The following ARHGAP15 variants were observed in gnomAD, a reference collection of about 807,000 sequenced individuals.
ARHGAP15 encodes rho GTPase-activating protein 15.
In ARHGAP15, 51 loss-of-function variants were observed where a neutral mutation model predicts 63.7. That is an observed-to-expected ratio of 0.80 (90% confidence interval 0.64 to 1.01). The LOEUF is 1.01. Among genes scored for constraint, ARHGAP15 ranks in the 50% least tolerant of loss-of-function variants. ARHGAP15 has a pLI of 0.00. For synonymous variants in ARHGAP15, 191 were observed against 193.8 expected (o/e 0.99, Z 0.12); for missense variants, 560 against 564.6 (o/e 0.99, Z 0.08).
chr2:143,761,570 GTCT>G lies in ARHGAP15; in HGVS notation c.1245-6414_1245-6412del, dbSNP rs1188546486. ...AGCTGAACTATTATTAAAGGCTTTG[GTCT>G]TCTTAATTCAGCATTAATTTTTGGT... On this transcript the variant is annotated intron_variant, in intron 13 of 13. Transcript: ENST00000295095. Among the ~76,000 whole-genome samples, 8 of 152,090 alleles carry G rather than the reference GTCT, an allele frequency of 5.3e-5. No individual in the cohort carries two copies. In the South Asian group the frequency reaches 1.4e-3, roughly 28 times the overall value.
chr2:143,343,665 A>T (rs1685154476), intron 6 of ARHGAP15, among the ~76,000 whole-genome samples: 1 of 152,068 alleles, frequency 6.6e-6, no homozygotes, highest in Admixed American at 6.6e-5. Flanking sequence ...TTCAAGCTTT[A>T]CTATAAATAT....
chr2:143,467,194 T>C (rs893509596), intron 8 of ARHGAP15, among the ~76,000 whole-genome samples: 1 of 148,304 alleles, frequency 6.7e-6, no homozygotes, highest in Admixed American at 6.8e-5. Context: ...GAGGAGAAAA[T>C]GAAAACTTGA....
rs112682802 is a variant in ARHGAP15, at chr2:143,624,710, G to T, written c.1138+443G>T. The stretch of plus-strand genomic sequence containing the variant: ...GTTAAATTATCAACTAAGACATCAT[G>T]TTCTCTTGGTTCACTCACCCTTCAC... On this transcript the variant is annotated intron_variant, in intron 12 of 13. Coordinates refer to ENST00000295095, the MANE Select transcript of ARHGAP15 (RefSeq NM_018460.4). Among the ~76,000 whole-genome samples the T allele has an allele frequency of 8.4e-3, 1,285 of 152,246 alleles. 4 individuals carry two copies. The highest frequency in any genetic ancestry group is 0.015 in the Non-Finnish European group (997 of 68,012).
At chr2:143,380,158 T>A (rs1687000934) in intron 6 of ARHGAP15, among the ~76,000 whole-genome samples, 1 of 152,154 alleles carries the variant, frequency 6.6e-6, no homozygotes, top group African/African-American at 2.4e-5. Context: ...AGTTCTAATG[T>A]AATATGTTAG....
intron 11 of ARHGAP15, among the ~76,000 whole-genome samples, chr2:143,582,904 C>G (rs569911400): frequency 8.3e-4 from 126 of 152,320 alleles, no homozygotes; most frequent in African/African-American, 3.0e-3. Context: ...ATCTTGAAAG[C>G]TGTTTTTCTT....
intron 6 of ARHGAP15, among the ~76,000 whole-genome samples, chr2:143,314,862 C>T (rs1034353969): frequency 6.6e-6 from 1 of 151,532 alleles, no homozygotes; most frequent in Non-Finnish European, 1.5e-5. Context: ...ACTCATCTGT[C>T]CTCAGTTAAA....
In ARHGAP15 at chr2:143,344,225, A is replaced by G. The variant is rs540271165; in HGVS notation, c.475-91376A>G. The G allele has an allele frequency of 9.9e-5, 15 of 152,256 alleles. 2 individuals carry two copies. Among genetic ancestry groups the G allele is most frequent in the Admixed American group, 9.8e-4 (15 of 15,260 alleles). 9.4% of individuals were successfully genotyped at this position (152,256 alleles called of 1,614,324 possible). On this transcript the variant is annotated intron_variant, in intron 6 of 13. Coordinates refer to ENST00000295095, the MANE Select transcript of ARHGAP15 (RefSeq NM_018460.4). ...GTGGTTAGCGTCTTTAACCCTGAGT[A>G]GAAAAGTAGTATAGGCAATTTGGTA... is the stretch of plus-strand genomic sequence containing the variant.
intron 6 of ARHGAP15, among the ~76,000 whole-genome samples, chr2:143,428,984 A>C (rs1458960605): frequency 6.6e-6 from 1 of 152,094 alleles, no homozygotes; most frequent in Non-Finnish European, 1.5e-5. Flanking sequence ...TTTAAAAATT[A>C]AGAGCAATAA....
intron 2 of ARHGAP15, among the ~76,000 whole-genome samples, chr2:143,166,002 GAAGGAAGGAAGGAAAA>G (rs1690504759): frequency 2.7e-5 from 2 of 75,260 alleles, no homozygotes; most frequent in African/African-American, 6.2e-5. Flanking sequence ...AAGAAAGAAA[GAAGGAAGGAAGGAAAA>G]AAAGAAAGAA....
chr2:143,631,333 T>G (rs188710647), intron 12 of ARHGAP15, among the ~76,000 whole-genome samples: 31 of 152,222 alleles, frequency 2.0e-4, no homozygotes, highest in Middle Eastern at 6.8e-3. Flanking sequence ...GTCTTCCTGG[T>G]GATACTTAGA....
intron 6 of ARHGAP15, among the ~76,000 whole-genome samples, chr2:143,270,969 A>G (rs1261305187): frequency 6.6e-6 from 1 of 152,202 alleles, no homozygotes; most frequent in East Asian, 1.9e-4. Flanking sequence ...ATCACTGATC[A>G]AGTTATGTTT....
chr2:143,313,360 A>C (rs1427964897), intron 6 of ARHGAP15, among the ~76,000 whole-genome samples: 1 of 152,298 alleles, frequency 6.6e-6, no homozygotes, highest in East Asian at 1.9e-4. Context: ...CCCGCTTCTT[A>C]TAACTCAACA....
chr2:143,572,025 A>G (rs143922936), intron 11 of ARHGAP15: 1 of 152,330 alleles, frequency 6.6e-6, no homozygotes, highest in African/African-American at 2.4e-5. Flanking sequence ...TTCCCATAGC[A>G]TGTTGTCCCT....
intron 13 of ARHGAP15, among the ~76,000 whole-genome samples, chr2:143,705,768 C>CT (rs1237366100): frequency 6.6e-6 from 1 of 151,970 alleles, no homozygotes; most frequent in African/African-American, 2.4e-5. Flanking sequence ...AATAAAGAAA[C>CT]TAAGAGTCAG....
intron 3 of ARHGAP15, among the ~76,000 whole-genome samples, chr2:143,204,841 T>C (rs958088510): frequency 6.6e-6 from 1 of 152,064 alleles, no homozygotes. Context: ...CAAAATAATA[T>C]ATTTGGTGCC....
At chr2:143,188,307 T>C (rs895625080) in intron 2 of ARHGAP15, among the ~76,000 whole-genome samples, 8 of 152,120 alleles carry the variant, frequency 5.3e-5, no homozygotes, top group Admixed American at 3.9e-4. Context: ...TAAATTTCTT[T>C]GTATTCAATT....
At chr2:143,582,785 G>A (rs1696961442) in intron 11 of ARHGAP15, among the ~76,000 whole-genome samples, 1 of 152,214 alleles carries the variant, frequency 6.6e-6, no homozygotes, top group African/African-American at 2.4e-5. Flanking sequence ...TTCTTTTAAA[G>A]TCATATAAAA....
At chr2:143,547,976 A>G (rs1322640078) in intron 10 of ARHGAP15, among the ~76,000 whole-genome samples, 2 of 152,030 alleles carry the variant, frequency 1.3e-5, no homozygotes, top group Non-Finnish European at 2.9e-5. Flanking sequence ...AAATGATACA[A>G]TGTAGAACCA....
At chr2:143,402,972 T>G (rs545642148) in intron 6 of ARHGAP15, among the ~76,000 whole-genome samples, 90 of 151,984 alleles carry the variant, frequency 5.9e-4, no homozygotes, top group African/African-American at 2.1e-3. Context: ...TTTTGTTAAT[T>G]TCAAATATTA....
Sources: allele counts gnomAD v4.1 joint callset (sites outside exome capture counted in the v4.1 genomes callset), GRCh38; gene constraint gnomAD v4.1.1; transcripts MANE v1.5; gene names NCBI Gene and HGNC (gene_info 2026-07-23, HGNC 2026-07-21).